Variants in PRUNE1 observed in about 807,000 individuals in gnomAD.
PRUNE1 encodes prune exopolyphosphatase 1.
PRUNE1 carries 25 observed loss-of-function variants against 42.5 expected under a neutral mutation model. The observed-to-expected ratio is 0.59, with a 90% CI of 0.43 to 0.82. PRUNE1 has a LOEUF of 0.82. Ranked by LOEUF, PRUNE1 falls within the 40% of genes least tolerant of loss-of-function variation. PRUNE1 has a pLI of 0.00. For missense variants in PRUNE1, 443 were observed against 539.3 expected (o/e 0.82, Z 1.77); for synonymous variants, 203 against 217.1 (o/e 0.93, Z 0.57).
At chr1:151,017,345 A>G (rs1166112810) in intron 1 of PRUNE1, among the ~76,000 whole-genome samples, 1 of 152,188 alleles carries the variant, frequency 6.6e-6, no homozygotes, top group Non-Finnish European at 1.5e-5. Flanking sequence ...GAATGCTATA[A>G]GCTTAGCTGA....
At chr1:151,013,600 C>T (rs1673914976) in intron 1 of PRUNE1, among the ~76,000 whole-genome samples, 1 of 152,198 alleles carries the variant, frequency 6.6e-6, no homozygotes, top group African/African-American at 2.4e-5. Flanking sequence ...TCTCCAGCAT[C>T]TCTTTGGACC....
intron 6 of PRUNE1, 126 bp downstream of exon 6, chr1:151,027,453 C>G (rs1011463328): frequency 1.5e-6 from 1 of 672,318 alleles, no homozygotes; most frequent in East Asian, 2.9e-5. Flanking sequence ...TTGTCTCTAC[C>G]TCCACTGTGA....
chr1:151,027,435 G>A, intron 6 of PRUNE1, 108 bp downstream of exon 6: 1 of 731,052 alleles, frequency 1.4e-6, no homozygotes, highest in Non-Finnish European at 2.3e-6. Flanking sequence ...TGTATCTTGT[G>A]TCTATCTTTG....
At position 151,033,983 on chromosome 1, in the gene PRUNE1, G is replaced by A. The variant is rs756672847; in HGVS notation, c.1111G>A (p.Gly371Arg). The change falls in exon 8 of 8, where the codon GGA becomes AGA. Residue 371 changes from glycine (G) to arginine (R), a missense_variant. Coordinates refer to ENST00000271620, the MANE Select transcript of PRUNE1 (RefSeq NM_021222.3). ...TTTTGACTCCATGAAGATCCCTTCAGGACAGCCTGAGACAGCAGATGTGTC... is the reference window on the plus strand; with the variant it reads ...TTTTGACTCCATGAAGATCCCTTCAAGACAGCCTGAGACAGCAGATGTGTC... ...AYFDSMKIPS[G>R]QPETADVSRE... The A allele has an allele frequency of 3.2e-5, 51 of 1,614,006 alleles. No homozygotes were observed. The highest frequency in any genetic ancestry group is 4.2e-5 in the Non-Finnish European group (50 of 1,179,990).
At chr1:151,023,207 ATCAT>A (rs1249725102) in intron 3 of PRUNE1, among the ~76,000 whole-genome samples, 1 of 152,094 alleles carries the variant, frequency 6.6e-6, no homozygotes, top group Non-Finnish European at 1.5e-5. Context: ...TTTTCAAATG[ATCAT>A]TCAGGCCACT....
At chr1:151,026,865 T>G (rs1337279213) in intron 5 of PRUNE1, among the ~76,000 whole-genome samples, 8 of 150,136 alleles carry the variant, frequency 5.3e-5, no homozygotes, top group Non-Finnish European at 1.0e-4. Flanking sequence ...TTTTTTTTTT[T>G]GAGACAGAGT....
chr1:151,018,385 T>A (rs757007249), intron 2 of PRUNE1, 82 bp from the exon 3 acceptor site: 1 of 1,179,062 alleles, frequency 8.5e-7, no homozygotes, highest in South Asian at 1.2e-5. Context: ...CCTAAGTATG[T>A]CTCCTTTGGT....
chr1:151,029,031 CTCTCT>C, intron 7 of PRUNE1, 87 bp downstream of exon 7: 4 of 1,362,900 alleles, frequency 2.9e-6, no homozygotes, highest in Non-Finnish European at 3.0e-6. Context: ...CTATAAGGAC[CTCTCT>C]TAGGTTCTTA....
chr1:151,033,449 G>A (rs1675367532), intron 7 of PRUNE1, among the ~76,000 whole-genome samples: 1 of 144,608 alleles, frequency 6.9e-6, no homozygotes, highest in Non-Finnish European at 1.5e-5. Context: ...GGAGTGCAGT[G>A]GCGCGATCTC....
intron 1 of PRUNE1, among the ~76,000 whole-genome samples, chr1:151,015,374 GCC>G (rs1294414436): frequency 6.8e-6 from 1 of 146,024 alleles, no homozygotes; most frequent in Non-Finnish European, 1.5e-5. Context: ...GGTGGCTCAT[GCC>G]TGTAATCCCA....
chr1:151,027,036 T>C (rs750390019), intron 5 of PRUNE1, among the ~76,000 whole-genome samples, 197 bp from the exon 6 acceptor site: 2 of 151,994 alleles, frequency 1.3e-5, no homozygotes, highest in Non-Finnish European at 1.5e-5. Flanking sequence ...TCCGCCCACC[T>C]CAGCCTCCCA....
At chr1:151,016,484 C>G (rs1056694412) in intron 1 of PRUNE1, among the ~76,000 whole-genome samples, 1 of 151,992 alleles carries the variant, frequency 6.6e-6, no homozygotes, top group African/African-American at 2.4e-5. Context: ...TTTGGGCACT[C>G]CAGTTTTAGT....
rs1675047971 is a variant in PRUNE1, at chr1:151,028,861, G to T, written c.850G>T (p.Ala284Ser). Residue 284 changes from alanine to serine, a missense_variant, in exon 7 of 8, where the codon GCC becomes TCC. Coordinates refer to ENST00000271620, the MANE Select transcript of PRUNE1 (RefSeq NM_021222.3). ...CQAHSYDVLV[A>S]MTIFFNTHNE... ...GGCTCACAGCTATGATGTCCTGGTT[G>T]CCATGACTATCTTTTTCAACACTCA... is the stretch of plus-strand genomic sequence containing the variant. 1 of 1,613,906 alleles carries T rather than the reference G, an allele frequency of 6.2e-7. No homozygotes were observed. The highest frequency in any genetic ancestry group is 1.3e-5 in the African/African-American group (1 of 75,014).
chr1:151,030,403 C>T (rs1675170416), intron 7 of PRUNE1, among the ~76,000 whole-genome samples: 1 of 152,202 alleles, frequency 6.6e-6, no homozygotes, highest in South Asian at 2.1e-4. Context: ...TTTCCCGCCC[C>T]CCTTTGCCTT....
chr1:151,013,266 C>T (rs587725485), intron 1 of PRUNE1, among the ~76,000 whole-genome samples: 1 of 152,230 alleles, frequency 6.6e-6, no homozygotes, highest in South Asian at 2.1e-4. Context: ...CCAGTCAGGC[C>T]GGGGTGACAG....
intron 3 of PRUNE1, among the ~76,000 whole-genome samples, chr1:151,023,064 T>C (rs1674576431): frequency 6.6e-6 from 1 of 152,132 alleles, no homozygotes; most frequent in South Asian, 2.1e-4. Flanking sequence ...TGGAAAAAGA[T>C]GAGACAGAGG....
intron 1 of PRUNE1, among the ~76,000 whole-genome samples, chr1:151,012,266 G>A (rs1673816342): frequency 6.6e-6 from 1 of 152,136 alleles, no homozygotes. Context: ...TTCAGCTGGT[G>A]GAGGATGGGC....
At chr1:151,018,296 TA>T in intron 2 of PRUNE1, 170 bp from the exon 3 acceptor site, 1 of 764,506 alleles carries the variant, frequency 1.3e-6, no homozygotes, top group Non-Finnish European at 2.4e-6. Context: ...ATGTTATTAC[TA>T]AGAAGGAGGG....
chr1:151,011,931 A>C (rs969562229), intron 1 of PRUNE1, among the ~76,000 whole-genome samples: 2 of 152,020 alleles, frequency 1.3e-5, no homozygotes, highest in African/African-American at 4.8e-5. Context: ...GGCATGTGCC[A>C]CCATGCCCAG....
Sources: allele counts gnomAD v4.1 joint callset (sites outside exome capture counted in the v4.1 genomes callset), GRCh38; gene constraint gnomAD v4.1.1; transcripts MANE v1.5; gene names NCBI Gene and HGNC (gene_info 2026-07-23, HGNC 2026-07-21).